NDE1: variants seen among roughly 807,000 people sequenced by gnomAD.
NDE1 encodes nuclear distribution protein nudE homolog 1.
Under a neutral mutation model 43.4 loss-of-function variants are expected in NDE1, and 28 were observed. The observed-to-expected ratio is 0.65, with a 90% CI of 0.48 to 0.89. NDE1 has a LOEUF of 0.89. Ranked by LOEUF, NDE1 falls within the 40% of genes least tolerant of loss-of-function variation. The pLI is 0.00. For missense variants in NDE1, 441 were observed against 434.1 expected (o/e 1.02, Z -0.14); for synonymous variants, 184 against 172.0 (o/e 1.07, Z -0.55).
intron 8 of NDE1, chr16:15,719,154 G>T: frequency 7.4e-6 from 11 of 1,480,816 alleles, no homozygotes; most frequent in Non-Finnish European, 1.0e-5. Context: ...TAAAATGGGG[G>T]TCGAGGATGC....
At chr16:15,695,455 C>A in intron 7 of NDE1, 1 of 968,240 alleles carries the variant, frequency 1.0e-6, no homozygotes, top group African/African-American at 1.8e-5. Flanking sequence ...TTGCAGTGAG[C>A]TGAGATCGCA....
rs756833821 is a variant in NDE1 at position 15,714,875 on chromosome 16, G to A, written c.948-9316G>A. 5 of 1,611,664 alleles carry A rather than the reference G, an allele frequency of 3.1e-6. No homozygotes were observed. The African/African-American group carries it at 5.3e-5, about 17-fold the overall frequency. On this transcript the variant is annotated intron_variant, in intron 8 of 8. Coordinates refer to ENST00000396354, the MANE Select transcript of NDE1 (RefSeq NM_017668.3). ...CCCCCAGTGCTTTTCTCTGGCCTGAGAGACGGGGTCCTCCCGGGCCACGGG... is the reference window on the plus strand; with the variant it reads ...CCCCCAGTGCTTTTCTCTGGCCTGAAAGACGGGGTCCTCCCGGGCCACGGG...
In NDE1 at chr16:15,719,501, T is replaced by C. The variant is rs565114022; in HGVS notation, c.948-4690T>C. 10 of 1,600,504 alleles carry C rather than the reference T, an allele frequency of 6.2e-6. No individual in the cohort carries two copies. In the South Asian group the frequency reaches 1.1e-4, roughly 18 times the overall value. Reference sequence around the variant, plus strand: ...GACCCCAGAGGAGGACGAAATGAAATCTGGGAATGCACAGACTGGAGCTGC... The same window carrying C: ...GACCCCAGAGGAGGACGAAATGAAACCTGGGAATGCACAGACTGGAGCTGC... On this transcript the variant is annotated intron_variant, in intron 8 of 8. Coordinates refer to ENST00000396354, the MANE Select transcript of NDE1 (RefSeq NM_017668.3).
intron 4 of NDE1, chr16:15,684,590 A>G (rs2151092726): frequency 6.6e-6 from 1 of 151,180 alleles, no homozygotes; most frequent in East Asian, 1.9e-4. Context: ...AAAAAAAGGC[A>G]CTGAAGCTGG....
intron 8 of NDE1, chr16:15,703,491 G>A: frequency 3.6e-6 from 1 of 274,028 alleles, no homozygotes; most frequent in Non-Finnish European, 7.1e-6. Flanking sequence ...ACAATCCATT[G>A]ATAGAACTGG....
intron 1 of NDE1, among the ~76,000 whole-genome samples, chr16:15,658,435 C>T (rs914897054): frequency 6.6e-6 from 1 of 152,128 alleles, no homozygotes; most frequent in Non-Finnish European, 1.5e-5. Context: ...ACTGGCTCAT[C>T]GTGGGTTAGG....
At chr16:15,709,977 C>T (rs191005644) in intron 8 of NDE1, among the ~76,000 whole-genome samples, 149 of 152,262 alleles carry the variant, frequency 9.8e-4, no homozygotes, top group African/African-American at 3.1e-3. Flanking sequence ...TGGTGAAACT[C>T]GCACTACAGT....
Position 15,717,120 on chromosome 16 carries a change from G to A in NDE1, c.948-7071G>A, listed in dbSNP as rs901538484. On this transcript the variant is annotated intron_variant, in intron 8 of 8. Transcript: ENST00000396354. ...CATCACCCCCCTGCAAACTGGGTTC[G>A]GAACTCCACACCCGCATACCTGGCC... The A allele has an allele frequency of 8.1e-6, 13 of 1,613,666 alleles. No homozygotes were observed. The highest frequency in any genetic ancestry group is 3.3e-5 in the Admixed American group (2 of 59,988).
chr16:15,721,582 C>A lies in NDE1; in HGVS notation c.948-2609C>A, dbSNP rs758663266. The A allele has an allele frequency of 1.4e-5, 23 of 1,614,084 alleles. No homozygotes were observed. Among genetic ancestry groups the A allele is most frequent in the Middle Eastern group, 1.6e-4 (1 of 6,084 alleles). ...CTTCTCCCTGGCTTCTGCCTCAGCT[C>A]TGTCCCTCTCATCCGCGTATTTGGA... On this transcript the variant is annotated intron_variant, in intron 8 of 8. Transcript: ENST00000396354.
At chr16:15,712,198 G>A (rs2039841274) in intron 8 of NDE1, among the ~76,000 whole-genome samples, 2 of 152,202 alleles carry the variant, frequency 1.3e-5, no homozygotes, top group South Asian at 2.1e-4. Context: ...TGTTTGGTGT[G>A]AGCTGCCTAT....
At position 15,703,986 on chromosome 16, in the gene NDE1, G is replaced by C. The variant is rs1875184; in HGVS notation, c.947+7126G>C. On this transcript the variant is annotated intron_variant, in intron 8 of 8. Transcript: ENST00000396354. Reference sequence around the variant, plus strand: ...TTGCCGTGGTGCAAAACTGTAGAAAGTTGCTTATTCACTGGCCTTGGTTCC... The same window carrying C: ...TTGCCGTGGTGCAAAACTGTAGAAACTTGCTTATTCACTGGCCTTGGTTCC... The C allele has an allele frequency of 4.9e-3, 7,985 of 1,613,956 alleles. 350 individuals carry two copies. In the African/African-American group the frequency reaches 0.094, roughly 19 times the overall value.
intron 8 of NDE1, chr16:15,718,691 C>G (rs2040303133): frequency 1.7e-6 from 1 of 574,652 alleles, no homozygotes; most frequent in Middle Eastern, 4.6e-4. Context: ...TTCCTGGCCT[C>G]CCCTTCTCCC....
Position 15,699,977 on chromosome 16 carries a change from T to C in NDE1, c.947+3117T>C, listed in dbSNP as rs374792180. On this transcript the variant is annotated intron_variant, in intron 8 of 8. Transcript: ENST00000396354. The stretch of plus-strand genomic sequence containing the variant: ...CGGCCCAAGCCAATGACCGAGGCCA[T>C]CACCTGTGCTCTGGGGTTTGTCCCT... 15 of 1,199,602 alleles carry C rather than the reference T, an allele frequency of 1.3e-5. No homozygotes were observed. The East Asian group carries it at 2.3e-4, about 19-fold the overall frequency. 74.3% of individuals were successfully genotyped at this position (1,199,602 alleles called of 1,614,324 possible).
intron 6 of NDE1, among the ~76,000 whole-genome samples, 166 bp downstream of exon 6, chr16:15,691,489 G>A (rs1299993021): frequency 6.6e-6 from 1 of 152,086 alleles, no homozygotes; most frequent in East Asian, 1.9e-4. Context: ...GATGGGCATT[G>A]AGATCAGTGA....
At chr16:15,704,173 G>A in intron 8 of NDE1, 1 of 1,607,962 alleles carries the variant, frequency 6.2e-7, no homozygotes, top group Non-Finnish European at 8.5e-7. Flanking sequence ...CTTCATGGTT[G>A]GGATAGATTT....
intron 1 of NDE1, chr16:15,651,374 A>G (rs958994585): frequency 2.0e-5 from 3 of 151,336 alleles, no homozygotes. Flanking sequence ...AGCTACTCCT[A>G]AAGCCTCTTG....
intron 7 of NDE1, chr16:15,695,752 G>C (rs1257242066): frequency 2.1e-6 from 2 of 973,674 alleles, no homozygotes; most frequent in African/African-American, 3.5e-5. Context: ...CTGGTTTTTG[G>C]CTGTCTGGTT....
At chr16:15,701,340 C>T (rs772997508) in intron 8 of NDE1, 9 of 152,060 alleles carry the variant, frequency 5.9e-5, no homozygotes, top group Non-Finnish European at 1.2e-4. Flanking sequence ...GAGTAATTTT[C>T]CAGACCAACC....
At chr16:15,670,725 T>C (rs909835851) in intron 3 of NDE1, among the ~76,000 whole-genome samples, 1 of 151,258 alleles carries the variant, frequency 6.6e-6, no homozygotes, top group African/African-American at 2.4e-5. Flanking sequence ...GGAGGGTGTT[T>C]GTAGGTGTAT....
Sources: gnomAD v4.1 joint callset for allele counts (sites outside exome capture counted in the v4.1 genomes callset) on GRCh38, gnomAD v4.1.1 for gene constraint, MANE v1.5 for transcripts, NCBI Gene and HGNC (gene_info 2026-07-23, HGNC 2026-07-21) for gene names.